Variants in GABRG3 observed in about 807,000 individuals in gnomAD.
The protein encoded by GABRG3 is gamma-aminobutyric acid type A receptor subunit gamma3, also known as gamma-aminobutyric acid receptor subunit gamma-3.
In GABRG3, 25 loss-of-function variants were observed where a neutral mutation model predicts 48.8. The ratio of observed to expected loss-of-function variants is 0.51; its 90% confidence interval spans 0.37 to 0.72. The LOEUF (loss-of-function observed/expected upper bound fraction) is 0.72. Ranked by LOEUF, GABRG3 falls within the 30% of genes least tolerant of loss-of-function variation. The pLI is 0.00. For missense variants in GABRG3, 394 were observed against 577.9 expected (o/e 0.68, Z 3.26); for synonymous variants, 227 against 217.6 (o/e 1.04, Z -0.38).
At chr15:27,531,860 G>C (rs1486811568) in intron 9 of GABRG3, among the ~76,000 whole-genome samples, 1 of 152,118 alleles carries the variant, frequency 6.6e-6, no homozygotes, top group Non-Finnish European at 1.5e-5. Flanking sequence ...GCCCCACTTG[G>C]ACTTTTCCAC....
intron 3 of GABRG3, among the ~76,000 whole-genome samples, chr15:27,285,254 GGTGTGTGTGTGTGTGTGTGTGTGTGTGT>G (rs60880658): frequency 7.0e-6 from 1 of 142,462 alleles, no homozygotes; most frequent in African/African-American, 2.6e-5. Flanking sequence ...TGAGCTTTCA[GGTGTGTGTGTGTGTGTGTGTGTGTGTGT>G]GTGTGTGTGT....
At chr15:27,100,865 A>G (rs1280738137) in intron 3 of GABRG3, among the ~76,000 whole-genome samples, 1 of 152,256 alleles carries the variant, frequency 6.6e-6, no homozygotes. Context: ...GCAGAACTAC[A>G]GGTAGCATCA....
chr15:27,049,175 C>T (rs996352970), intron 3 of GABRG3, among the ~76,000 whole-genome samples: 3 of 152,224 alleles, frequency 2.0e-5, no homozygotes, highest in Non-Finnish European at 2.9e-5. Context: ...TCTTGATGTG[C>T]GTAACCGTTT....
At chr15:27,071,197 A>T (rs1342727636) in intron 3 of GABRG3, among the ~76,000 whole-genome samples, 1 of 152,114 alleles carries the variant, frequency 6.6e-6, no homozygotes, top group African/African-American at 2.4e-5. Context: ...TGATATTGTC[A>T]TTTTGACCCT....
In GABRG3 at chr15:27,135,220, A is replaced by G. The variant is rs539822889; in HGVS notation, c.270+108399A>G. 7.6e-4 allele frequency among the ~76,000 whole-genome samples: 115 copies of G among 152,312 alleles called. 4 individuals carry two copies. In the South Asian group the frequency reaches 0.023, roughly 31 times the overall value. ...TAGTTTTGATAGATGGGATTGATAT[A>G]TGGCATATGTGTGTGTGTTCCTGCT... On this transcript the variant is annotated intron_variant, in intron 3 of 9. Coordinates refer to ENST00000615808, the MANE Select transcript of GABRG3 (RefSeq NM_033223.5).
At chr15:27,441,248 C>T (rs920680710) in intron 5 of GABRG3, among the ~76,000 whole-genome samples, 1 of 152,302 alleles carries the variant, frequency 6.6e-6, no homozygotes, top group East Asian at 1.9e-4. Flanking sequence ...CATTTGTGCA[C>T]TGTCAGTTTC....
intron 3 of GABRG3, among the ~76,000 whole-genome samples, chr15:27,124,559 A>G (rs972545293): frequency 2.8e-4 from 43 of 152,336 alleles, no homozygotes; most frequent in African/African-American, 9.1e-4. Context: ...AGTCTTGACA[A>G]TGGGTCATTG....
chr15:27,106,210 T>C (rs993400204), intron 3 of GABRG3, among the ~76,000 whole-genome samples: 3 of 152,028 alleles, frequency 2.0e-5, no homozygotes, highest in African/African-American at 7.2e-5. Context: ...GTCTAATGCA[T>C]AACAGGAGAT....
intron 3 of GABRG3, among the ~76,000 whole-genome samples, chr15:27,217,931 C>T (rs560118655): frequency 2.6e-5 from 4 of 152,178 alleles, no homozygotes; most frequent in East Asian, 1.9e-4. Context: ...GCAAACCAGC[C>T]GCAGGGACAG....
In GABRG3 at chr15:27,369,614, G is replaced by A. The variant is rs371960130; in HGVS notation, c.574+40726G>A. Reference sequence around the variant, plus strand: ...GGGCGGATCATGAGGTCAGGAGATCGAGACCATCCTGGCTGACACTGTCTC... The same window carrying A: ...GGGCGGATCATGAGGTCAGGAGATCAAGACCATCCTGGCTGACACTGTCTC... On this transcript the variant is annotated intron_variant, in intron 5 of 9. Transcript: ENST00000615808. Among the ~76,000 whole-genome samples, 54 of 151,972 alleles carry A rather than the reference G, an allele frequency of 3.6e-4. No individual in the cohort carries two copies. The East Asian group carries it at 5.8e-3, about 16-fold the overall frequency.
At chr15:27,279,074 ATC>A (rs959237291) in intron 3 of GABRG3, among the ~76,000 whole-genome samples, 5 of 152,124 alleles carry the variant, frequency 3.3e-5, no homozygotes, top group Non-Finnish European at 7.4e-5. Context: ...TGCCATCAGT[ATC>A]TCCTCTTTTG....
chr15:27,430,826 C>T (rs1888426218), intron 5 of GABRG3, among the ~76,000 whole-genome samples: 1 of 151,864 alleles, frequency 6.6e-6, no homozygotes, highest in African/African-American at 2.4e-5. Flanking sequence ...CCCGTCTCTA[C>T]TAAAAATACA....
intron 3 of GABRG3, among the ~76,000 whole-genome samples, chr15:27,143,791 T>G (rs981305343): frequency 6.6e-6 from 1 of 152,218 alleles, no homozygotes; most frequent in African/African-American, 2.4e-5. Flanking sequence ...CTAACCAGCA[T>G]TGGGTTCTTT....
At chr15:27,413,070 A>T (rs544985077) in intron 5 of GABRG3, among the ~76,000 whole-genome samples, 1 of 152,300 alleles carries the variant, frequency 6.6e-6, no homozygotes, top group Non-Finnish European at 1.5e-5. Flanking sequence ...TTTCAAGTCA[A>T]AGCAACCAAA....
intron 5 of GABRG3, among the ~76,000 whole-genome samples, chr15:27,470,472 A>G (rs910839567): frequency 3.3e-5 from 5 of 151,368 alleles, no homozygotes; most frequent in African/African-American, 1.2e-4. Context: ...AGCTCAGGCA[A>G]TCCACTCACC....
intron 5 of GABRG3, chr15:27,350,511 C>T: frequency 4.3e-6 from 1 of 233,696 alleles, no homozygotes; most frequent in Non-Finnish European, 8.7e-6. Context: ...AGTGCAGTTG[C>T]AGGTAGGACA....
chr15:27,055,059 A>G (rs1391206273), intron 3 of GABRG3, among the ~76,000 whole-genome samples: 1 of 144,430 alleles, frequency 6.9e-6, no homozygotes, highest in African/African-American at 2.6e-5. Context: ...TAGTCTTTAC[A>G]TTCTTAAAGG....
Position 27,044,551 on chromosome 15 carries a change from AG to A in GABRG3, c.270+17731del, listed in dbSNP as rs371758493. ...TAAAATATTTGCATGAATGAAGAAA[AG>A]CAAAACCTTTTAATACATAATGATA... is the stretch of plus-strand genomic sequence containing the variant. On this transcript the variant is annotated intron_variant, in intron 3 of 9. Transcript: ENST00000615808. Among the ~76,000 whole-genome samples, 376 of 152,356 alleles carry A rather than the reference AG, an allele frequency of 2.5e-3. 1 individual carries two copies. Among genetic ancestry groups the A allele is most frequent in the African/African-American group, 8.0e-3 (332 of 41,594 alleles).
intron 5 of GABRG3, among the ~76,000 whole-genome samples, chr15:27,471,239 G>A (rs1889779773): frequency 6.6e-6 from 1 of 152,168 alleles, no homozygotes; most frequent in Non-Finnish European, 1.5e-5. Context: ...TTGCTTCTAG[G>A]TGTGGGCACC....
Sources: allele counts gnomAD v4.1 joint callset (sites outside exome capture counted in the v4.1 genomes callset), GRCh38; gene constraint gnomAD v4.1.1; transcripts MANE v1.5; gene names NCBI Gene and HGNC (gene_info 2026-07-23, HGNC 2026-07-21).